Variants in CAMKMT observed in about 807,000 individuals in gnomAD.
The protein encoded by CAMKMT is CaM KMT.
A neutral mutation model predicts 48.0 loss-of-function variants in CAMKMT; 53 were observed. The ratio of observed to expected loss-of-function variants is 1.10; its 90% CI spans 0.89 to 1.39. CAMKMT has a LOEUF of 1.39. Ranked by LOEUF, CAMKMT falls within the 40% of genes most tolerant of loss-of-function variation. The pLI, the probability that CAMKMT is intolerant of heterozygous loss-of-function variation, is 0.00. For missense variants in CAMKMT, 428 were observed against 402.7 expected, an observed-to-expected ratio of 1.06 and a Z score of -0.54; for synonymous variants, 165 against 152.3, an observed-to-expected ratio of 1.08 and a Z score of -0.61.
intron 1 of CAMKMT, among the ~76,000 whole-genome samples, chr2:44,364,681 C>T (rs573932756): frequency 1.9e-4 from 29 of 152,096 alleles, no homozygotes; most frequent in African/African-American, 5.3e-4. Flanking sequence ...AAGTAAGAAC[C>T]GCAACATCAC....
intron 3 of CAMKMT, among the ~76,000 whole-genome samples, chr2:44,680,612 C>T (rs1224851766): frequency 6.6e-6 from 1 of 152,150 alleles, no homozygotes; most frequent in African/African-American, 2.4e-5. Flanking sequence ...TATGCCCATG[C>T]TGTTCATATC....
intron 3 of CAMKMT, among the ~76,000 whole-genome samples, chr2:44,500,563 A>T (rs1669956871): frequency 6.6e-6 from 1 of 152,068 alleles, no homozygotes; most frequent in African/African-American, 2.4e-5. Flanking sequence ...TGTTGATTAG[A>T]TCATAAAAAT....
chr2:44,645,051 A>G (rs1156381439), intron 3 of CAMKMT, among the ~76,000 whole-genome samples: 1 of 152,226 alleles, frequency 6.6e-6, no homozygotes, highest in Non-Finnish European at 1.5e-5. Context: ...TTATTTTTAC[A>G]TCTTGTACAA....
chr2:44,495,396 G>T (rs1193218950), intron 3 of CAMKMT, among the ~76,000 whole-genome samples: 1 of 151,972 alleles, frequency 6.6e-6, no homozygotes. Context: ...CTCCTGCCTT[G>T]GTCTACCAAA....
chr2:44,435,708 T>G (rs1227996067), intron 3 of CAMKMT, among the ~76,000 whole-genome samples: 1 of 152,222 alleles, frequency 6.6e-6, no homozygotes, highest in Non-Finnish European at 1.5e-5. Flanking sequence ...ATTTACTACT[T>G]AAGAAGTGAG....
intron 3 of CAMKMT, among the ~76,000 whole-genome samples, chr2:44,545,530 A>T (rs776617631): frequency 1.3e-5 from 2 of 151,830 alleles, no homozygotes; most frequent in African/African-American, 2.4e-5. Flanking sequence ...GTACACATGC[A>T]GTTTTTGTTT....
At chr2:44,597,088 G>A (rs545255565) in intron 3 of CAMKMT, among the ~76,000 whole-genome samples, 6 of 152,240 alleles carry the variant, frequency 3.9e-5, no homozygotes, top group East Asian at 1.9e-4. Flanking sequence ...TTTCAAGTTC[G>A]TCATGTTGTC....
intron 9 of CAMKMT, among the ~76,000 whole-genome samples, chr2:44,755,594 G>C (rs1680337339): frequency 6.6e-6 from 1 of 152,150 alleles, no homozygotes; most frequent in South Asian, 2.1e-4. Context: ...TTTTGCAGCA[G>C]ATTTGCATGA....
chr2:44,593,867 G>A (rs1442448115), intron 3 of CAMKMT, among the ~76,000 whole-genome samples: 9 of 147,428 alleles, frequency 6.1e-5, no homozygotes, highest in African/African-American at 2.3e-4. Context: ...GGGTTCAAGC[G>A]ATTCTCCTGC....
At chr2:44,542,197 CT>C (rs1202644466) in intron 3 of CAMKMT, among the ~76,000 whole-genome samples, 1 of 152,050 alleles carries the variant, frequency 6.6e-6, no homozygotes, top group African/African-American at 2.4e-5. Flanking sequence ...AAGTCTTCCC[CT>C]GTGAACATAA....
intron 3 of CAMKMT, among the ~76,000 whole-genome samples, chr2:44,528,159 T>C (rs1234680976): frequency 6.6e-6 from 1 of 152,184 alleles, no homozygotes; most frequent in African/African-American, 2.4e-5. Context: ...CTTTCTTTTG[T>C]TGATTGTCAT....
At chr2:44,449,000 A>T (rs1179157529) in intron 3 of CAMKMT, among the ~76,000 whole-genome samples, 1 of 152,138 alleles carries the variant, frequency 6.6e-6, no homozygotes, top group African/African-American at 2.4e-5. Flanking sequence ...TATGGACGGA[A>T]TGGGGTTTCT....
chr2:44,539,285 A>T (rs1246905809), intron 3 of CAMKMT, among the ~76,000 whole-genome samples: 1 of 44,242 alleles, frequency 2.3e-5, no homozygotes, highest in Admixed American at 2.2e-4. Context: ...AGAAGTCTCA[A>T]AAAAAAAAAA....
At chr2:44,410,768 C>G (rs1205430199) in intron 3 of CAMKMT, among the ~76,000 whole-genome samples, 1 of 152,058 alleles carries the variant, frequency 6.6e-6, no homozygotes, top group Admixed American at 6.6e-5. Flanking sequence ...TTGTCTGATA[C>G]TAATGGGATA....
At chr2:44,460,072 C>A (rs1161582254) in intron 3 of CAMKMT, among the ~76,000 whole-genome samples, 1 of 152,118 alleles carries the variant, frequency 6.6e-6, no homozygotes, top group Non-Finnish European at 1.5e-5. Flanking sequence ...GACTGTGATT[C>A]CTAATATGCG....
At chr2:44,566,837 A>C (rs1290733305) in intron 3 of CAMKMT, among the ~76,000 whole-genome samples, 1 of 152,206 alleles carries the variant, frequency 6.6e-6, no homozygotes, top group Non-Finnish European at 1.5e-5. Context: ...ATACCTGTAA[A>C]AACATTTCAG....
intron 3 of CAMKMT, among the ~76,000 whole-genome samples, chr2:44,563,769 C>A (rs866135620): frequency 5.3e-5 from 8 of 152,160 alleles, no homozygotes; most frequent in Non-Finnish European, 7.3e-5. Context: ...ATGATGGTTT[C>A]CAGCTTCATC....
intron 3 of CAMKMT, among the ~76,000 whole-genome samples, chr2:44,591,230 A>G (rs1212202832): frequency 1.3e-5 from 2 of 151,464 alleles, no homozygotes; most frequent in African/African-American, 2.4e-5. Flanking sequence ...TTGACTTGGC[A>G]ATGTGGGCTC....
At chr2:44,531,402 A>T (rs756185344) in intron 3 of CAMKMT, among the ~76,000 whole-genome samples, 2 of 152,078 alleles carry the variant, frequency 1.3e-5, no homozygotes, top group Non-Finnish European at 2.9e-5. Flanking sequence ...CATTTTAAGG[A>T]CTTCTTTGTA....
Sources: gnomAD v4.1 joint callset for allele counts (sites outside exome capture counted in the v4.1 genomes callset) on GRCh38, gnomAD v4.1.1 for gene constraint, MANE v1.5 for transcripts, NCBI Gene and HGNC (gene_info 2026-07-23, HGNC 2026-07-21) for gene names.